Variants in RABGAP1 observed in about 807,000 individuals in gnomAD.
The protein encoded by RABGAP1 is rab GTPase-activating protein 1.
A neutral mutation model predicts 137.6 loss-of-function variants in RABGAP1; 23 were observed. The observed-to-expected ratio is 0.17, with a 90% CI of 0.12 to 0.24. The LOEUF (loss-of-function observed/expected upper bound fraction) is 0.24. Ranked by LOEUF, RABGAP1 falls within the 10% of genes least tolerant of loss-of-function variation. The pLI, the probability that RABGAP1 is intolerant of heterozygous loss-of-function variation, is 1.00. For synonymous variants in RABGAP1, 451 were observed against 450.7 expected (o/e 1.00, Z -0.01); for missense variants, 906 against 1,275.8 (o/e 0.71, Z 4.42).
In RABGAP1 at chr9:123,015,181, T is replaced by A. The variant is rs573537314; in HGVS notation, c.1550-362T>A. ...GGACAGTTAGGTAGTTTGAAATTTT[T>A]TAAGTGTTTTAAATAAGACATATAT... On this transcript the variant is annotated intron_variant, in intron 11 of 25. Coordinates refer to ENST00000373647, the MANE Select transcript of RABGAP1 (RefSeq NM_012197.4). Among the ~76,000 whole-genome samples the A allele has an allele frequency of 1.5e-4, 23 of 152,316 alleles. No individual in the cohort carries two copies. The South Asian group carries it at 4.6e-3, about 30-fold the overall frequency.
At chr9:123,026,145 A>G (rs2031954944) in intron 13 of RABGAP1, among the ~76,000 whole-genome samples, 1 of 151,868 alleles carries the variant, frequency 6.6e-6, no homozygotes, top group African/African-American at 2.4e-5. Context: ...GGAACATGGC[A>G]AAATCCTGTC....
chr9:122,996,016 A>G (rs373461432), intron 6 of RABGAP1, 25 bp from the exon 7 acceptor site: 1 of 1,553,182 alleles, frequency 6.4e-7, no homozygotes, highest in Non-Finnish European at 8.6e-7. Context: ...GCTTTGCAAA[A>G]TTAATGAAAC....
chr9:122,933,366 A>G, the RABGAP1 span, among the ~76,000 whole-genome samples: 8 of 151,592 alleles, frequency 5.3e-5, no homozygotes, highest in East Asian at 1.5e-3. Flanking sequence ...TTTAAAATCT[A>G]TTTTGTCTAA....
At chr9:123,027,769 TCAGA>T (rs1404436651) in intron 13 of RABGAP1, among the ~76,000 whole-genome samples, 1 of 152,172 alleles carries the variant, frequency 6.6e-6, no homozygotes, top group African/African-American at 2.4e-5. Context: ...TTCTGGAAAA[TCAGA>T]CAGTGTGTTT....
intron 21 of RABGAP1, among the ~76,000 whole-genome samples, chr9:123,093,942 T>C (rs998554671): frequency 6.6e-6 from 1 of 152,218 alleles, no homozygotes; most frequent in Non-Finnish European, 1.5e-5. Context: ...AAGATCTTTT[T>C]CAGTTTCTCT....
chr9:122,974,958 A>G (rs987519193), intron 2 of RABGAP1, among the ~76,000 whole-genome samples: 4 of 152,212 alleles, frequency 2.6e-5, no homozygotes, highest in African/African-American at 7.2e-5. Context: ...TAAATCTTCA[A>G]ATATCCAAAT....
chr9:123,073,641 G>T lies in RABGAP1; in HGVS notation c.2073G>T (p.Leu691Phe). ...RELFKQNFED[L>F]HCKFYQLERL... is the part of the protein sequence containing the mutation. ...TTTTCAAGCAAAACTTCGAAGATTT[G>T]CATTGCAAATTTTACCAGTTGGAGC... Residue 691 changes from leucine (L) to phenylalanine (F), a missense_variant, in exon 16 of 26, where the codon TTG becomes TTT. By Grantham distance (22) the Leu-to-Phe change is conservative. Transcript: ENST00000373647. 1 of 1,613,880 alleles carries T rather than the reference G, an allele frequency of 6.2e-7. No individual in the cohort carries two copies.
chr9:122,940,778 A>G (rs191733212), upstream of RABGAP1: 1 of 152,984 alleles, frequency 6.5e-6, no homozygotes, highest in African/African-American at 2.4e-5. Flanking sequence ...CCAACTCCAA[A>G]TACACAAGAC....
intron 2 of RABGAP1, among the ~76,000 whole-genome samples, chr9:122,977,877 G>C (rs1271403891): frequency 6.6e-6 from 1 of 152,186 alleles, no homozygotes; most frequent in African/African-American, 2.4e-5. Flanking sequence ...TGGCACAGGA[G>C]AGTCTAATAA....
intron 6 of RABGAP1, 100 bp from the exon 7 acceptor site, chr9:122,995,941 C>T (rs879495393): frequency 6.8e-7 from 1 of 1,469,940 alleles, no homozygotes; most frequent in Non-Finnish European, 9.0e-7. Flanking sequence ...AAACTAGGCA[C>T]AGAAAAGAAT....
rs765417210 is a variant in RABGAP1, at chr9:123,010,482, G to A, written c.1503G>A (p.Ser501=). The change falls in exon 11 of 26, where the codon TCG becomes TCA. Residue 501 remains serine (S), a synonymous_variant. Transcript: ENST00000373647. Reference sequence around the variant, plus strand: ...CAGTTCGCCTGCCACAGTCTGGATCGCAAAGTTCAGTGATACCTTCTCCTC... The same window carrying A: ...CAGTTCGCCTGCCACAGTCTGGATCACAAAGTTCAGTGATACCTTCTCCTC... The part of the protein sequence containing the change: ...SPSVRLPQSG[S]QSSVIPSPPE... 8 of 1,613,688 alleles carry A rather than the reference G, an allele frequency of 5.0e-6. No homozygotes were observed. The highest frequency in any genetic ancestry group is 1.3e-5 in the African/African-American group (1 of 74,902).
chr9:122,989,619 A>G (rs1189931707), intron 5 of RABGAP1, 148 bp downstream of exon 5: 5 of 807,450 alleles, frequency 6.2e-6, no homozygotes, highest in Admixed American at 2.8e-5. Context: ...ATGGGCCAAA[A>G]TATAAATTAA....
chr9:123,072,280 T>A (rs2034381202), intron 15 of RABGAP1, among the ~76,000 whole-genome samples: 1 of 152,188 alleles, frequency 6.6e-6, no homozygotes, highest in South Asian at 2.1e-4. Context: ...AAAACCACTT[T>A]GGTTTTTCTT....
chr9:123,009,354 G>T (rs964561593), intron 10 of RABGAP1, among the ~76,000 whole-genome samples: 14 of 152,174 alleles, frequency 9.2e-5, no homozygotes, highest in Admixed American at 8.5e-4. Flanking sequence ...TTTATTTTAA[G>T]AACCCAAATG....
chr9:123,086,365 T>C (rs911481230), intron 19 of RABGAP1, among the ~76,000 whole-genome samples: 15 of 152,340 alleles, frequency 9.8e-5, no homozygotes, highest in South Asian at 2.1e-4. Context: ...GTACTCGCTA[T>C]ACATGAACAG....
At chr9:122,957,494 T>A (rs752355021) in intron 2 of RABGAP1, among the ~76,000 whole-genome samples, 1 of 152,214 alleles carries the variant, frequency 6.6e-6, no homozygotes, top group Non-Finnish European at 1.5e-5. Context: ...TCCATTGAAT[T>A]ACAAGTACTT....
At chr9:122,994,975 G>A (rs191995111) in intron 6 of RABGAP1, among the ~76,000 whole-genome samples, 1 of 152,148 alleles carries the variant, frequency 6.6e-6, no homozygotes, top group Admixed American at 6.5e-5. Flanking sequence ...AAATTAGCTA[G>A]GCATGGTGGC....
chr9:122,957,254 C>G, intron 2 of RABGAP1, 45 bp downstream of exon 2: 1 of 1,421,060 alleles, frequency 7.0e-7, no homozygotes, highest in African/African-American at 1.4e-5. Flanking sequence ...CTTTTCTAAG[C>G]CCATTGCAAA....
chr9:123,076,167 A>ATG (rs2034502961), intron 17 of RABGAP1, 78 bp from the exon 18 acceptor site: 2 of 1,400,620 alleles, frequency 1.4e-6, no homozygotes, highest in South Asian at 2.6e-5. Flanking sequence ...TTCTTTAAAA[A>ATG]TGTGGGGTAT....
Sources: allele counts gnomAD v4.1 joint callset (sites outside exome capture counted in the v4.1 genomes callset), GRCh38; gene constraint gnomAD v4.1.1; transcripts MANE v1.5; gene names NCBI Gene and HGNC (gene_info 2026-07-23, HGNC 2026-07-21).